Variants in TFCP2L1 observed in about 807,000 individuals in gnomAD.
The protein encoded by TFCP2L1 is transcription factor CP2 like 1.
TFCP2L1 carries 12 observed loss-of-function variants against 72.2 expected under a neutral mutation model. The observed-to-expected ratio is 0.17, with a 90% CI of 0.11 to 0.27. The LOEUF is 0.27. TFCP2L1 is among the 10% of genes least tolerant of loss of function. TFCP2L1 has a pLI of 1.00. For synonymous variants in TFCP2L1, 260 were observed against 251.0 expected, an observed-to-expected ratio of 1.04 and a Z score of -0.34; for missense variants, 488 against 624.6, an observed-to-expected ratio of 0.78 and a Z score of 2.33.
chr2:121,244,848 T>A (rs977544724), intron 6 of TFCP2L1, among the ~76,000 whole-genome samples: 1 of 152,086 alleles, frequency 6.6e-6, no homozygotes, highest in East Asian at 1.9e-4. Flanking sequence ...AGAGCGACAG[T>A]GAACCACAGA....
intron 2 of TFCP2L1, among the ~76,000 whole-genome samples, chr2:121,270,385 A>AAGTACAAACTG (rs1442721786): frequency 1.3e-5 from 2 of 152,236 alleles, no homozygotes; most frequent in African/African-American, 4.8e-5. Context: ...ATTGTTCACA[A>AAGTACAAACTG]AGTACAAACT....
At position 121,248,983 on chromosome 2, in the gene TFCP2L1, G is replaced by A. The variant is rs185666512; in HGVS notation, c.396C>T (p.Ile132=). The A allele has an allele frequency of 9.7e-5, 154 of 1,591,024 alleles. No individual in the cohort carries two copies. The East Asian group carries it at 3.1e-3, about 32-fold the overall frequency. The part of the protein sequence containing the change: ...WSRPGDRILD[I]DIPLSVGILD... ...GCCTCTCCTGGCCAGGAGACTCACC[G>A]ATGTCCAGGATCCGGTCCCCTGGCC... The change falls in exon 4 of 15, where the codon ATC becomes ATT. Residue 132 remains isoleucine (I), a splice_region_variant and synonymous_variant. Transcript: ENST00000263707.
intron 1 of TFCP2L1, among the ~76,000 whole-genome samples, chr2:121,283,537 T>A (rs1050557572): frequency 6.6e-6 from 1 of 152,000 alleles, no homozygotes; most frequent in South Asian, 2.1e-4. Context: ...CTCACCCTCC[T>A]CCTTTCACCA....
At chr2:121,276,183 G>A (rs1053416866) in intron 2 of TFCP2L1, among the ~76,000 whole-genome samples, 12 of 152,064 alleles carry the variant, frequency 7.9e-5, no homozygotes, top group African/African-American at 1.2e-4. Flanking sequence ...CGTAACCTAC[G>A]TTAGGTATTT....
chr2:121,266,115 C>T (rs1573389444), intron 2 of TFCP2L1, among the ~76,000 whole-genome samples: 1 of 151,702 alleles, frequency 6.6e-6, no homozygotes, highest in African/African-American at 2.4e-5. Context: ...ATCTGCCCAC[C>T]TTGGCCTCCC....
At chr2:121,259,438 C>T (rs952112883) in intron 2 of TFCP2L1, among the ~76,000 whole-genome samples, 10 of 152,208 alleles carry the variant, frequency 6.6e-5, no homozygotes, top group African/African-American at 2.4e-4. Flanking sequence ...GATAGTTACA[C>T]ATAAATGCAC....
intron 2 of TFCP2L1, among the ~76,000 whole-genome samples, chr2:121,260,425 G>A (rs569924803): frequency 3.3e-5 from 5 of 152,090 alleles, no homozygotes; most frequent in African/African-American, 4.8e-5. Context: ...TGTACTTCCC[G>A]CCCACACGTA....
chr2:121,273,868 G>A (rs1423009956), intron 2 of TFCP2L1, among the ~76,000 whole-genome samples: 2 of 152,148 alleles, frequency 1.3e-5, no homozygotes, highest in Non-Finnish European at 2.9e-5. Flanking sequence ...CAAGGCGGGT[G>A]GATCACCTGA....
In TFCP2L1 at chr2:121,242,347, C is replaced by T. The variant is rs1558732934; in HGVS notation, c.768+12G>A. ...CCCTTGGAGGCTCTGTCCCCGCACC[C>T]AGCCGGCTCACCTCTGTGAGGATGG... On this transcript the variant is annotated intron_variant, in intron 7 of 14. Transcript: ENST00000263707. 1 of 1,612,738 alleles carries T rather than the reference C, an allele frequency of 6.2e-7. No individual in the cohort carries two copies. The highest frequency in any genetic ancestry group is 8.5e-7 in the Non-Finnish European group (1 of 1,178,798).
At position 121,223,429 on chromosome 2, in the gene TFCP2L1, C is replaced by A. The variant is rs1034746251; in HGVS notation, c.*912G>T. The A allele has an allele frequency of 6.6e-6, 1 of 152,220 alleles. No homozygotes were observed. The highest frequency in any genetic ancestry group is 2.4e-5 in the African/African-American group (1 of 41,462). The allele number at this position is 152,220 out of a possible 1,614,324, so 9.4% of individuals were successfully genotyped here. On this transcript the variant is annotated 3_prime_UTR_variant, in exon 15 of 15. Coordinates refer to ENST00000263707, the MANE Select transcript of TFCP2L1 (RefSeq NM_014553.3). ...TGTGGCAAGTTTAGCAGCGGTTCAA[C>A]AAGGTCTTCTCTAACTTTCTATAAG...
chr2:121,257,302 A>G (rs1367389381), intron 2 of TFCP2L1, among the ~76,000 whole-genome samples: 1 of 151,574 alleles, frequency 6.6e-6, no homozygotes, highest in Non-Finnish European at 1.5e-5. Context: ...GCCCGAGGGT[A>G]TCCAGGCAGT....
At chr2:121,236,479 C>T (rs3768905) in intron 10 of TFCP2L1, among the ~76,000 whole-genome samples, 58,699 of 151,960 alleles carry the variant, frequency 0.39, 13,640 homozygotes, top group Non-Finnish European at 0.52. Context: ...CCCCGAGAGC[C>T]TGGTCCCACA....
At chr2:121,234,299 A>G in intron 11 of TFCP2L1, 105 bp from the exon 12 acceptor site, 1 of 1,076,608 alleles carries the variant, frequency 9.3e-7, no homozygotes, top group Non-Finnish European at 1.4e-6. Context: ...AGGGAGGAAG[A>G]AAGACAGCGG....
chr2:121,244,819 A>C (rs953303948), intron 6 of TFCP2L1, among the ~76,000 whole-genome samples: 1 of 152,168 alleles, frequency 6.6e-6, no homozygotes, highest in South Asian at 2.1e-4. Flanking sequence ...CGGTCTGTAC[A>C]TGAGGGGAGG....
rs115898274 is a variant in TFCP2L1 at position 121,239,535 on chromosome 2, G to A, written c.860+23C>T. The stretch of plus-strand genomic sequence containing the variant: ...CACCTGCCTTCATTTCAGGGAACCC[G>A]AAGAAAGAGAGGTGGGACGTACCCT... On this transcript the variant is annotated intron_variant, in intron 8 of 14. Transcript: ENST00000263707. 1,324 of 1,613,090 alleles carry A rather than the reference G, an allele frequency of 8.2e-4. 14 individuals are homozygous for A. In the African/African-American group the frequency reaches 0.015, roughly 18 times the overall value.
At chr2:121,240,612 C>T in intron 7 of TFCP2L1, 1 of 985,276 alleles carries the variant, frequency 1.0e-6, no homozygotes, top group East Asian at 1.1e-4. Flanking sequence ...GTGGCAAGGG[C>T]TTGGACAGAC....
intron 8 of TFCP2L1, among the ~76,000 whole-genome samples, chr2:121,238,136 C>A (rs911726195): frequency 6.6e-6 from 1 of 152,178 alleles, no homozygotes; most frequent in Non-Finnish European, 1.5e-5. Flanking sequence ...ACATCCCAGG[C>A]CCCTGCTGGC....
intron 7 of TFCP2L1, chr2:121,240,049 C>T (rs886485759): frequency 7.1e-6 from 7 of 985,284 alleles, no homozygotes; most frequent in Non-Finnish European, 8.4e-6. Context: ...GAGTACTGGA[C>T]CACAGGCAAC....
At chr2:121,254,945 G>A (rs1411317911) in intron 2 of TFCP2L1, among the ~76,000 whole-genome samples, 1 of 152,228 alleles carries the variant, frequency 6.6e-6, no homozygotes, top group African/African-American at 2.4e-5. Flanking sequence ...TCACTCACCT[G>A]GCTCTCCAGA....
Sources: gnomAD v4.1 joint callset for allele counts (sites outside exome capture counted in the v4.1 genomes callset) on GRCh38, gnomAD v4.1.1 for gene constraint, MANE v1.5 for transcripts, NCBI Gene and HGNC (gene_info 2026-07-23, HGNC 2026-07-21) for gene names.